The following MUCL1 variants were observed in gnomAD, a reference collection of about 807,000 sequenced individuals.
MUCL1 encodes mucin-like protein 1.
A neutral mutation model predicts 9.2 loss-of-function variants in MUCL1; 11 were observed. That is an observed-to-expected ratio of 1.19 (90% CI 0.75 to 1.97). The LOEUF (loss-of-function observed/expected upper bound fraction) is 1.97. Among genes scored for constraint, MUCL1 ranks in the 30% most tolerant of loss-of-function variants. The probability of loss-of-function intolerance (pLI) is 0.00; values close to 1 mark genes in which losing one functional copy is unlikely to be tolerated. For synonymous variants in MUCL1, 48 were observed against 40.5 expected (o/e 1.19, Z -0.71); for missense variants, 144 against 110.9 (o/e 1.30, Z -1.34).
At chr12:54,855,072 C>T (rs1380939090) in intron 1 of MUCL1, 44 bp from the exon 2 acceptor site, 2 of 1,575,546 alleles carry the variant, frequency 1.3e-6, no homozygotes, top group East Asian at 2.2e-5. Flanking sequence ...ATCCTCCAAA[C>T]TGGTATTCAG....
At chr12:54,854,125 G>T (rs978188494), upstream of MUCL1, among the ~76,000 whole-genome samples, 1 of 152,130 alleles carries the variant, frequency 6.6e-6, no homozygotes, top group Non-Finnish European at 1.5e-5. Flanking sequence ...ATTCCCCTAG[G>T]GGGAGACAGA....
At chr12:54,857,733 C>T (rs898414331) in intron 3 of MUCL1, among the ~76,000 whole-genome samples, 3 of 152,068 alleles carry the variant, frequency 2.0e-5, no homozygotes, top group Non-Finnish European at 4.4e-5. Context: ...TTTGAGCACA[C>T]GGGCAGAAAG....
chr12:54,841,351 G>A (rs751446915), intron 1 of MUCL1, among the ~76,000 whole-genome samples: 5 of 152,114 alleles, frequency 3.3e-5, no homozygotes, highest in Non-Finnish European at 5.9e-5. Flanking sequence ...TTTCCTTTGA[G>A]TATATACATA....
intron 1 of MUCL1, among the ~76,000 whole-genome samples, chr12:54,846,243 C>A (rs951419270): frequency 6.6e-6 from 1 of 152,184 alleles, no homozygotes; most frequent in African/African-American, 2.4e-5. Flanking sequence ...CACACACCCT[C>A]TTGGGCTTCA....
chr12:54,849,202 T>C (rs1959300540), intron 1 of MUCL1, among the ~76,000 whole-genome samples: 1 of 152,130 alleles, frequency 6.6e-6, no homozygotes, highest in Non-Finnish European at 1.5e-5. Flanking sequence ...ATATGGTCAC[T>C]TGCATCTACA....
At chr12:54,853,306 C>G (rs1460648187), upstream of MUCL1, among the ~76,000 whole-genome samples, 2 of 152,058 alleles carry the variant, frequency 1.3e-5, no homozygotes, top group Admixed American at 1.3e-4. Context: ...TCAGTTGGGT[C>G]CAGCACTTGA....
chr12:54,837,750 CAG>C (rs1959195491), upstream of MUCL1, among the ~76,000 whole-genome samples: 1 of 152,076 alleles, frequency 6.6e-6, no homozygotes, highest in Non-Finnish European at 1.5e-5. Flanking sequence ...GCCTGGGTGA[CAG>C]AGTGAGACTC....
chr12:54,848,480 T>A (rs1959288325), intron 1 of MUCL1, among the ~76,000 whole-genome samples: 1 of 152,222 alleles, frequency 6.6e-6, no homozygotes, highest in African/African-American at 2.4e-5. Context: ...TCCACTTAAT[T>A]TAAAAGCTCT....
intron 1 of MUCL1, among the ~76,000 whole-genome samples, chr12:54,833,378 T>A (rs1469201038): frequency 6.6e-6 from 1 of 152,166 alleles, no homozygotes; most frequent in African/African-American, 2.4e-5. Flanking sequence ...ATAGATGAGA[T>A]CCACATATCT....
At chr12:54,836,257 T>A (rs770325608), upstream of MUCL1, among the ~76,000 whole-genome samples, 3 of 152,216 alleles carry the variant, frequency 2.0e-5, no homozygotes, top group Non-Finnish European at 4.4e-5. Flanking sequence ...AATTACTAAT[T>A]CAGTCTAATT....
At chr12:54,856,457 G>C (rs539825087) in intron 2 of MUCL1, among the ~76,000 whole-genome samples, 5 of 152,202 alleles carry the variant, frequency 3.3e-5, no homozygotes, top group Admixed American at 1.3e-4. Flanking sequence ...CTTCTGAGCA[G>C]TAGTCCCTGT....
upstream of MUCL1, among the ~76,000 whole-genome samples, chr12:54,851,216 A>G (rs1415056063): frequency 4.6e-5 from 7 of 152,136 alleles, no homozygotes; most frequent in Admixed American, 4.6e-4. Flanking sequence ...TTGGTGTTTT[A>G]GACATGAAGT....
chr12:54,834,306 T>C (rs1423961967), intron 1 of MUCL1, among the ~76,000 whole-genome samples: 1 of 152,124 alleles, frequency 6.6e-6, no homozygotes, highest in Non-Finnish European at 1.5e-5. Context: ...GAATCTTGAA[T>C]TTACCTATCA....
upstream of MUCL1, among the ~76,000 whole-genome samples, chr12:54,853,054 G>C (rs1868267157): frequency 6.6e-6 from 1 of 151,966 alleles, no homozygotes; most frequent in African/African-American, 2.4e-5. Flanking sequence ...CACCTGATGG[G>C]GACCTCTTAG....
chr12:54,833,969 A>T (rs1230479964), intron 1 of MUCL1, among the ~76,000 whole-genome samples: 1 of 125,240 alleles, frequency 8.0e-6, no homozygotes, highest in African/African-American at 2.6e-5. Flanking sequence ...CTTAAAGTAT[A>T]ATAAAAAAAA....
At chr12:54,850,312 C>T (rs1959319419), upstream of MUCL1, among the ~76,000 whole-genome samples, 2 of 136,206 alleles carry the variant, frequency 1.5e-5, no homozygotes, top group Admixed American at 1.5e-4. Context: ...CTCCCCCCTC[C>T]CCCCACCCCA....
intron 1 of MUCL1, among the ~76,000 whole-genome samples, chr12:54,841,387 T>A (rs567863533): frequency 1.3e-5 from 2 of 152,280 alleles, no homozygotes; most frequent in Admixed American, 6.5e-5. Context: ...CATATGGTAG[T>A]TATTTTTTTT....
intron 1 of MUCL1, among the ~76,000 whole-genome samples, chr12:54,831,383 T>C (rs1959185172): frequency 6.6e-6 from 1 of 152,130 alleles, no homozygotes; most frequent in Non-Finnish European, 1.5e-5. Flanking sequence ...TAAATAAGAT[T>C]AGTTTAATAT....
rs553609628 is a variant in MUCL1, at chr12:54,856,806, C to T, written c.137C>T (p.Thr46Ile). 1.2e-6 allele frequency: 2 copies of T among 1,612,496 alleles called. No homozygotes were observed. The highest frequency in any genetic ancestry group is 3.3e-5 in the Admixed American group (2 of 59,870). ...GATGATGAAGCCCCTGATGCTGAAA[C>T]CACTGCTGCTGCAACCACTGCAACC... ...PADDEAPDAETTAAATTATTA... is the reference protein window; with the variant it reads ...PADDEAPDAEITAAATTATTA... Residue 46 changes from threonine (T) to isoleucine (I), a missense_variant, in exon 3 of 4, where the codon ACC becomes ATC. By Grantham distance (89) the Thr-to-Ile change is moderately conservative (BLOSUM62 -1). Coordinates refer to ENST00000308796, the MANE Select transcript of MUCL1 (RefSeq NM_058173.3).
Sources: allele counts gnomAD v4.1 joint callset (sites outside exome capture counted in the v4.1 genomes callset), GRCh38; gene constraint gnomAD v4.1.1; transcripts MANE v1.5; gene names NCBI Gene and HGNC (gene_info 2026-07-23, HGNC 2026-07-21).